ZNF468: variants seen among roughly 807,000 people sequenced by gnomAD.
ZNF468 encodes zinc finger protein ZNF468.
A neutral mutation model predicts 7.2 loss-of-function variants in ZNF468; 8 were observed. The observed-to-expected ratio is 1.11, with a 90% confidence interval of 0.65 to 2.01. ZNF468 has a LOEUF of 2.01. Among genes scored for constraint, ZNF468 ranks in the 30% most tolerant of loss-of-function variants. The pLI is 0.00. For missense variants in ZNF468, 608 were observed against 626.5 expected, an observed-to-expected ratio of 0.97 and a Z score of 0.31; for synonymous variants, 218 against 214.4, an observed-to-expected ratio of 1.02 and a Z score of -0.15.
intron 3 of ZNF468, among the ~76,000 whole-genome samples, chr19:52,845,773 G>A (rs766048784): frequency 6.6e-6 from 1 of 152,206 alleles, no homozygotes; most frequent in Non-Finnish European, 1.5e-5. Flanking sequence ...GGGAGGATGA[G>A]TCAGGCAGAT....
intron 1 of ZNF468, 137 bp from the exon 2 acceptor site, chr19:52,854,482 C>T (rs1273692785): frequency 1.1e-6 from 1 of 952,108 alleles, no homozygotes; most frequent in Non-Finnish European, 1.5e-6. Flanking sequence ...ACAAAAAATT[C>T]CTACAGGAAA....
At chr19:52,846,826 AC>A (rs2063345012) in intron 3 of ZNF468, among the ~76,000 whole-genome samples, 1 of 151,790 alleles carries the variant, frequency 6.6e-6, no homozygotes, top group Non-Finnish European at 1.5e-5. Flanking sequence ...ACATGGTGAA[AC>A]CCCCCTCTAC....
intron 2 of ZNF468, among the ~76,000 whole-genome samples, chr19:52,853,408 G>A (rs1475176335): frequency 2.0e-5 from 3 of 152,152 alleles, no homozygotes; most frequent in African/African-American, 7.2e-5. Context: ...AACTGGTGGG[G>A]CTGGGCATGA....
At chr19:52,851,826 TAC>T (rs2063392356) in intron 2 of ZNF468, among the ~76,000 whole-genome samples, 2 of 152,046 alleles carry the variant, frequency 1.3e-5, no homozygotes, top group Admixed American at 6.6e-5. Flanking sequence ...TAATAAAACC[TAC>T]ACAGACTCAC....
rs1809386311 is a variant in ZNF468, at chr19:52,839,493, T to G, written c.*1232A>C. 2.3e-6 allele frequency: 1 copy of G among 441,226 alleles called. No individual in the cohort carries two copies. Among genetic ancestry groups the G allele is most frequent in the African/African-American group, 2.1e-5 (1 of 48,744 alleles). The allele number at this position is 441,226 out of a possible 1,614,324, so 27.3% of individuals were successfully genotyped here. On this transcript the variant is annotated 3_prime_UTR_variant, in exon 4 of 4. Transcript: ENST00000595646. ...CAGGTCAAGGCTGATTTGACTCTAA[T>G]GTCAATTAATGCTTGATGGTTTGCT...
At chr19:52,847,812 A>C (rs927101286) in intron 3 of ZNF468, among the ~76,000 whole-genome samples, 8 of 152,002 alleles carry the variant, frequency 5.3e-5, no homozygotes, top group African/African-American at 1.9e-4. Flanking sequence ...CCTTCTCCCC[A>C]CCTGTTGCCC....
chr19:52,840,921 T>C lies in ZNF468; in HGVS notation c.1373A>G (p.Gln458Arg), dbSNP rs751570399. The change falls in exon 4 of 4, where the codon CAG becomes CGG. Residue 458 changes from glutamine to arginine, a missense_variant. Coordinates refer to ENST00000595646, the MANE Select transcript of ZNF468 (RefSeq NM_001008801.2). The part of the protein sequence containing the change: ...FQRDSHLAQH[Q>R]RVHTGEKPYK... ...AGGTTTCTCTCCAGTATGAACTCTC[T>C]GATGTTGTGCCAGGTGTGAATCCCT... is the stretch of plus-strand genomic sequence containing the variant. 10 of 1,613,922 alleles carry C rather than the reference T, an allele frequency of 6.2e-6. No individual in the cohort carries two copies. Among genetic ancestry groups the C allele is most frequent in the Admixed American group, 1.7e-5 (1 of 59,982 alleles).
At position 52,840,014 on chromosome 19, in the gene ZNF468, G is replaced by C. The variant is rs972368101; in HGVS notation, c.*711C>G. ...ATAAGTGGTGACTGCCCACTAAAGG[G>C]TTTGCCACACTCATTGCACTTGTAA... On this transcript the variant is annotated 3_prime_UTR_variant, in exon 4 of 4. Coordinates refer to ENST00000595646, the MANE Select transcript of ZNF468 (RefSeq NM_001008801.2). 7.6e-7 allele frequency: 1 copy of C among 1,312,612 alleles called. No individual in the cohort carries two copies. The highest frequency in any genetic ancestry group is 3.4e-5 in the East Asian group (1 of 29,246). 81.3% of individuals were successfully genotyped at this position (1,312,612 alleles called of 1,614,324 possible). A position where few individuals can be genotyped will look rare whatever the true frequency, so the allele number is the denominator to read the frequency against.
intron 3 of ZNF468, 110 bp from the exon 4 acceptor site, chr19:52,842,261 C>T (rs2063310702): frequency 1.4e-5 from 14 of 1,017,326 alleles, no homozygotes; most frequent in East Asian, 1.3e-4. Context: ...ACTTCCCAAA[C>T]GTGAGCTTCA....
rs528606414 is a variant in ZNF468 at position 52,838,942 on chromosome 19, A to G, written c.*1783T>C. 3 of 152,324 alleles carry G rather than the reference A, an allele frequency of 2.0e-5. No individual in the cohort carries two copies. Among genetic ancestry groups the G allele is most frequent in the South Asian group, 2.1e-4 (1 of 4,826 alleles). 9.4% of individuals were successfully genotyped at this position (152,324 alleles called of 1,614,324 possible). On this transcript the variant is annotated 3_prime_UTR_variant, in exon 4 of 4. Transcript: ENST00000595646. ...CGGTACAATACTCATAGAAGTCTCT[A>G]TAACTTTTTGTTAAAGAAACAAAAA... is the stretch of plus-strand genomic sequence containing the variant.
intron 2 of ZNF468, 146 bp downstream of exon 2, chr19:52,854,112 G>A: frequency 1.3e-6 from 2 of 1,569,982 alleles, no homozygotes; most frequent in Non-Finnish European, 1.7e-6. Flanking sequence ...CGGAACCTAA[G>A]CGAGATGAGA....
At position 52,842,123 on chromosome 19, in the gene ZNF468, C is replaced by T. The variant is rs761789847; in HGVS notation, c.171G>A (p.Thr57=). Residue 57 remains threonine (T), a synonymous_variant, in exon 4 of 4, where the codon ACG becomes ACA. Coordinates refer to ENST00000595646, the MANE Select transcript of ZNF468 (RefSeq NM_001008801.2). ...LDISSKCMLK[T]LSSTGQGNTE... Reference sequence around the variant, plus strand: ...TATTGCCTTGCCCTGTTGACGACAACGTCTTCAACATGCATTTGGAAGAGA... The same window carrying T: ...TATTGCCTTGCCCTGTTGACGACAATGTCTTCAACATGCATTTGGAAGAGA... 8.2e-6 allele frequency: 13 copies of T among 1,593,628 alleles called. No homozygotes were observed. Among genetic ancestry groups the T allele is most frequent in the African/African-American group, 4.1e-5 (3 of 73,958 alleles).
chr19:52,857,260 T>A (rs949817684), intron 1 of ZNF468, among the ~76,000 whole-genome samples: 1 of 152,046 alleles, frequency 6.6e-6, no homozygotes, highest in African/African-American at 2.4e-5. Flanking sequence ...AGGGTGGGAA[T>A]ACACCTCTAG....
At chr19:52,854,754 T>C (rs1167822908) in intron 1 of ZNF468, among the ~76,000 whole-genome samples, 1 of 151,964 alleles carries the variant, frequency 6.6e-6, no homozygotes, top group Non-Finnish European at 1.5e-5. Context: ...GCCGGGCACA[T>C]TGGCTCATGC....
rs115993467 is a variant in ZNF468, at chr19:52,854,225, A to C, written c.15+33T>G. ...AGGCCCAGGGTATCTGAAAGGAAGG[A>C]GACAGAACAATCCACCGAGGATATC... is the stretch of plus-strand genomic sequence containing the variant. On this transcript the variant is annotated intron_variant, in intron 2 of 3. Transcript: ENST00000595646. The C allele has an allele frequency of 3.7e-3, 6,011 of 1,613,704 alleles. 206 individuals carry two copies. The African/African-American group carries it at 0.07, about 19-fold the overall frequency.
chr19:52,854,488 G>A, intron 1 of ZNF468, 143 bp from the exon 2 acceptor site: 1 of 895,218 alleles, frequency 1.1e-6, no homozygotes. Flanking sequence ...AATTCCTACA[G>A]GAAAACTCCC....
intron 3 of ZNF468, among the ~76,000 whole-genome samples, chr19:52,848,021 T>A (rs2063354611): frequency 6.6e-6 from 1 of 152,180 alleles, no homozygotes; most frequent in African/African-American, 2.4e-5. Flanking sequence ...TACCCACAGG[T>A]ATGGAGGGGC....
chr19:52,849,108 A>T lies in ZNF468; in HGVS notation c.121T>A (p.Tyr41Asn), dbSNP rs750918287. The T allele has an allele frequency of 6.2e-7, 1 of 1,613,832 alleles. No individual in the cohort carries two copies. The highest frequency in any genetic ancestry group is 1.3e-5 in the African/African-American group (1 of 74,910). Residue 41 changes from tyrosine (Y) to asparagine (N), a missense_variant, in exon 3 of 4, where the codon TAT (tyrosine) becomes AAT (asparagine). By Grantham distance (143) the Tyr-to-Asn change is moderately radical. Coordinates refer to ENST00000595646, the MANE Select transcript of ZNF468 (RefSeq NM_001008801.2). ...TCACCCAGGGAGACGAGGTTCCTAT[A>T]ATTCTCCAGCATCACGTCCCTGTAT... ...TLYRDVMLENYRNLVSLDISS... is the reference protein window; with the variant it reads ...TLYRDVMLENNRNLVSLDISS...
rs1401589187 is a variant in ZNF468, at chr19:52,838,395, A to G, written c.*2330T>C. ...TCCATGAAATGACCACAGCAGAAAT[A>G]ACCAATCAGGGAAAACGGAATGCTT... On this transcript the variant is annotated 3_prime_UTR_variant, in exon 4 of 4. Coordinates refer to ENST00000595646, the MANE Select transcript of ZNF468 (RefSeq NM_001008801.2). The G allele has an allele frequency of 6.6e-6, 1 of 152,250 alleles. No individual in the cohort carries two copies. Among genetic ancestry groups the G allele is most frequent in the Non-Finnish European group, 1.5e-5 (1 of 68,040 alleles). The allele number at this position is 152,250 out of a possible 1,614,324, so 9.4% of individuals were successfully genotyped here. A position where few individuals can be genotyped will look rare whatever the true frequency, so the allele number is the denominator to read the frequency against.
Sources: allele counts gnomAD v4.1 joint callset (sites outside exome capture counted in the v4.1 genomes callset), GRCh38; gene constraint gnomAD v4.1.1; transcripts MANE v1.5; gene names NCBI Gene and HGNC (gene_info 2026-07-23, HGNC 2026-07-21).